Variants in NUF2 observed in about 807,000 individuals in gnomAD.
NUF2 encodes NUF2 component of NDC80 kinetochore complex.
NUF2 carries 34 observed loss-of-function variants against 61.8 expected under a neutral mutation model. The observed-to-expected ratio is 0.55, with a 90% CI of 0.42 to 0.73. NUF2 has a LOEUF of 0.73. Ranked by LOEUF, NUF2 falls within the 30% of genes least tolerant of loss-of-function variation. The probability of loss-of-function intolerance (pLI) is 0.00; values close to 1 mark genes in which losing one functional copy is unlikely to be tolerated. For synonymous variants in NUF2, 172 were observed against 181.6 expected, an observed-to-expected ratio of 0.95 and a Z score of 0.42; for missense variants, 445 against 539.1, an observed-to-expected ratio of 0.83 and a Z score of 1.73.
intron 2 of NUF2, among the ~76,000 whole-genome samples, 167 bp from the exon 3 acceptor site, chr1:163,327,321 G>A (rs1182008940): frequency 6.6e-6 from 1 of 152,046 alleles, no homozygotes; most frequent in Non-Finnish European, 1.5e-5. Flanking sequence ...AGCATCATAA[G>A]GTGTTTTAAA....
In NUF2 at chr1:163,343,797, T is replaced by G; in HGVS notation, c.734T>G (p.Val245Gly). The G allele has an allele frequency of 6.9e-7, 1 of 1,447,436 alleles. No individual in the cohort carries two copies. Among genetic ancestry groups the G allele is most frequent in the African/African-American group, 1.5e-5 (1 of 67,816 alleles). 89.7% of individuals were successfully genotyped at this position (1,447,436 alleles called of 1,614,324 possible). The change falls in exon 10 of 14, where the codon GTG becomes GGG. Residue 245 changes from valine to glycine, a missense_variant. Transcript: ENST00000271452. ...CAAGAGAGTTTGAAAACAAAAATTG[T>G]GGATTCTCCAGAGAAGTTAAAGAAT... The part of the protein sequence containing the change: ...EIQESLKTKI[V>G]DSPEKLKNYK...
intron 6 of NUF2, among the ~76,000 whole-genome samples, chr1:163,337,516 A>C (rs1427671190): frequency 6.6e-6 from 1 of 151,884 alleles, no homozygotes; most frequent in Non-Finnish European, 1.5e-5. Context: ...TAACCTTATA[A>C]CTCCTAAACA....
intron 4 of NUF2, chr1:163,328,576 TTAAAAGAGTC>T: frequency 2.0e-6 from 1 of 505,016 alleles, no homozygotes; most frequent in Non-Finnish European, 3.5e-6. Context: ...GTTTGAGTTC[TTAAAAGAGTC>T]TTAGTGTCAC....
intron 1 of NUF2, among the ~76,000 whole-genome samples, chr1:163,324,902 T>TTCTTTCTTTC (rs1553230293): frequency 1.3e-5 from 1 of 77,626 alleles, no homozygotes; most frequent in Non-Finnish European, 2.9e-5. Flanking sequence ...TTTTCTTTCT[T>TTCTTTCTTTC]TTTTTTTTTT....
Position 163,355,500 on chromosome 1 carries a change from GC to G in NUF2, c.*32del, listed in dbSNP as rs1208543751. ...AAAATTACATGTCTTTTTGTAAATG[GC>G]TTGCCATCTTTTAATTTTCTATTTA... On this transcript the variant is annotated 3_prime_UTR_variant, in exon 14 of 14. Transcript: ENST00000271452. 2 of 1,554,780 alleles carry G rather than the reference GC, an allele frequency of 1.3e-6. No individual in the cohort carries two copies. The highest frequency in any genetic ancestry group is 1.7e-6 in the Non-Finnish European group (2 of 1,151,432).
intron 13 of NUF2, among the ~76,000 whole-genome samples, chr1:163,349,319 T>C (rs907301744): frequency 2.6e-5 from 4 of 152,176 alleles, no homozygotes; most frequent in African/African-American, 9.7e-5. Flanking sequence ...GCTAGTACAG[T>C]GCTAAACATA....
intron 5 of NUF2, 112 bp from the exon 6 acceptor site, chr1:163,336,639 C>T: frequency 1.5e-6 from 1 of 658,446 alleles, no homozygotes; most frequent in Non-Finnish European, 2.7e-6. Context: ...ATATCCTATA[C>T]AGTTTTATTT....
At chr1:163,322,606 T>C (rs1421032006) in intron 1 of NUF2, among the ~76,000 whole-genome samples, 1 of 152,260 alleles carries the variant, frequency 6.6e-6, no homozygotes, top group Admixed American at 6.5e-5. Flanking sequence ...ACTTAATTCA[T>C]TGAAGTTGGG....
intron 9 of NUF2, among the ~76,000 whole-genome samples, chr1:163,342,614 T>C (rs1347724730): frequency 6.6e-6 from 1 of 152,150 alleles, no homozygotes; most frequent in African/African-American, 2.4e-5. Flanking sequence ...AACACAGTAA[T>C]ACATTCCTGT....
intron 5 of NUF2, among the ~76,000 whole-genome samples, chr1:163,330,392 G>A (rs187516241): frequency 6.6e-6 from 1 of 152,204 alleles, no homozygotes; most frequent in East Asian, 1.9e-4. Context: ...CTGTATATTT[G>A]TCTATTTTTG....
intron 5 of NUF2, among the ~76,000 whole-genome samples, chr1:163,332,616 C>T (rs1240096875): frequency 6.6e-6 from 1 of 152,126 alleles, no homozygotes; most frequent in African/African-American, 2.4e-5. Flanking sequence ...TTGCATTTCT[C>T]AGCTCATGAC....
chr1:163,348,909 G>A (rs1651219461), intron 12 of NUF2, 36 bp from the exon 13 acceptor site: 3 of 1,589,894 alleles, frequency 1.9e-6, no homozygotes, highest in Non-Finnish European at 1.7e-6. Flanking sequence ...AGTTGCTGAA[G>A]AGGATTAAAT....
Position 163,327,525 on chromosome 1 carries a change from A to G in NUF2, c.161A>G (p.Gln54Arg), listed in dbSNP as rs763370362. Residue 54 changes from glutamine to arginine, a missense_variant, in exon 3 of 14, where the codon CAA becomes CGA. By Grantham distance (43) the Gln-to-Arg change is conservative. Transcript: ENST00000271452. The stretch of plus-strand genomic sequence containing the variant: ...CACATGATCTACATGAGAGCCTTAC[A>G]AATAGTATATGGAATTCGACTGGAA... ...VLHMIYMRAL[Q>R]IVYGIRLEHF... 4 of 1,612,578 alleles carry G rather than the reference A, an allele frequency of 2.5e-6. No individual in the cohort carries two copies. In the South Asian group the frequency reaches 3.3e-5, roughly 13 times the overall value.
chr1:163,326,397 GT>G (rs1650420012), intron 2 of NUF2, among the ~76,000 whole-genome samples: 1 of 102,372 alleles, frequency 9.8e-6, no homozygotes, highest in Non-Finnish European at 2.3e-5. Flanking sequence ...TAATATAGTC[GT>G]TTTCTTAAAA....
In NUF2 at chr1:163,347,759, AC is replaced by A. The variant is rs1322463541; in HGVS notation, c.949-3del. 1 of 1,523,928 alleles carries A rather than the reference AC, an allele frequency of 6.6e-7. No homozygotes were observed. The highest frequency in any genetic ancestry group is 8.8e-7 in the Non-Finnish European group (1 of 1,137,840). The allele number at this position is 1,523,928 out of a possible 1,614,324, so 94.4% of individuals were successfully genotyped here. On this transcript the variant is annotated splice_polypyrimidine_tract_variant and splice_region_variant and intron_variant, in intron 11 of 13. Coordinates refer to ENST00000271452, the MANE Select transcript of NUF2 (RefSeq NM_145697.3). ...TGACTTTAAATACTTCTTATAAAAT[AC>A]AGAGCCTGAACTTGGAGGACCAAAT...
At chr1:163,339,562 T>C (rs1650873451) in intron 8 of NUF2, 85 bp downstream of exon 8, 3 of 739,584 alleles carry the variant, frequency 4.1e-6, no homozygotes, top group Non-Finnish European at 7.0e-6. Context: ...TAACAGCACA[T>C]TGCTTTCTCT....
At chr1:163,322,734 C>T (rs1404335409) in intron 1 of NUF2, 2 of 152,212 alleles carry the variant, frequency 1.3e-5, no homozygotes, top group Non-Finnish European at 2.9e-5. Flanking sequence ...AGTACCTACT[C>T]ACTCTGCTCA....
chr1:163,328,600 GT>G (rs780166596), intron 4 of NUF2: 1 of 504,444 alleles, frequency 2.0e-6, no homozygotes, highest in Non-Finnish European at 3.5e-6. Context: ...GTGTCACCAA[GT>G]TTATGTACTA....
intron 5 of NUF2, among the ~76,000 whole-genome samples, chr1:163,330,153 T>C (rs1385467894): frequency 1.3e-5 from 2 of 152,172 alleles, no homozygotes; most frequent in Non-Finnish European, 2.9e-5. Context: ...ACTCAGAATG[T>C]ACAGTACCAG....
Sources: gnomAD v4.1 joint callset for allele counts (sites outside exome capture counted in the v4.1 genomes callset) on GRCh38, gnomAD v4.1.1 for gene constraint, MANE v1.5 for transcripts, NCBI Gene and HGNC (gene_info 2026-07-23, HGNC 2026-07-21) for gene names.